Variants in ANAPC7 observed in about 807,000 individuals in gnomAD.
The protein encoded by ANAPC7 is anaphase-promoting complex subunit 7.
ANAPC7 carries 25 observed loss-of-function variants against 63.3 expected under a neutral mutation model. The observed-to-expected ratio is 0.39, with a 90% confidence interval of 0.29 to 0.55. The LOEUF is 0.55. Ranked by LOEUF, ANAPC7 falls within the 20% of genes least tolerant of loss-of-function variation. The pLI is 0.57. For synonymous variants in ANAPC7, 241 were observed against 251.7 expected, an observed-to-expected ratio of 0.96 and a Z score of 0.40; for missense variants, 516 against 691.7, an observed-to-expected ratio of 0.75 and a Z score of 2.85.
chr12:110,398,748 A>G (rs2062178834), intron 1 of ANAPC7, among the ~76,000 whole-genome samples: 1 of 152,086 alleles, frequency 6.6e-6, no homozygotes, highest in Non-Finnish European at 1.5e-5. Flanking sequence ...ACCTAAGTTC[A>G]GGACCTGACC....
At chr12:110,383,118 C>T (rs867609763) in intron 6 of ANAPC7, 158 bp from the exon 7 acceptor site, 1 of 588,124 alleles carries the variant, frequency 1.7e-6, no homozygotes, top group South Asian at 2.4e-5. Flanking sequence ...ACTACTATTT[C>T]CAGTTTCCTA....
At chr12:110,392,932 A>G (rs915059033) in intron 3 of ANAPC7, among the ~76,000 whole-genome samples, 1 of 152,136 alleles carries the variant, frequency 6.6e-6, no homozygotes, top group Non-Finnish European at 1.5e-5. Context: ...AGTAGCTGAG[A>G]TTACAGGCAT....
chr12:110,387,297 G>GAGAGAGAC (rs1882616118), intron 5 of ANAPC7: 2 of 120,906 alleles, frequency 1.7e-5, no homozygotes. Context: ...CAGAGAGAGA[G>GAGAGAGAC]AGAGAGAGAG....
Position 110,373,827 on chromosome 12 carries a change from C to G in ANAPC7, c.*317G>C, listed in dbSNP as rs1881017015. The G allele has an allele frequency of 4.0e-6, 1 of 250,338 alleles. No homozygotes were observed. The highest frequency in any genetic ancestry group is 1.4e-4 in the South Asian group (1 of 7,376). 15.5% of individuals were successfully genotyped at this position (250,338 alleles called of 1,614,324 possible). A position where few individuals can be genotyped will look rare whatever the true frequency, so the allele number is the denominator to read the frequency against. ...CCATGTCACAGAACACTGTCTATTC[C>G]TTGAGCTTTTGGATTTAGAAATTAG... On this transcript the variant is annotated 3_prime_UTR_variant, in exon 11 of 11. Coordinates refer to ENST00000455511, the MANE Select transcript of ANAPC7 (RefSeq NM_016238.3).
chr12:110,378,145 A>C (rs28397252), intron 8 of ANAPC7: 21,522 of 155,908 alleles, frequency 0.14, 2,193 homozygotes, highest in African/African-American at 0.29. Context: ...CCCAGGCTGG[A>C]GCGCAATGGC....
At chr12:110,380,886 C>T (rs1159153650) in intron 8 of ANAPC7, among the ~76,000 whole-genome samples, 1 of 150,684 alleles carries the variant, frequency 6.6e-6, no homozygotes, top group Non-Finnish European at 1.5e-5. Flanking sequence ...TGCAGTGAGC[C>T]GAGATCATGC....
rs1430853495 is a variant in ANAPC7 at position 110,396,160 on chromosome 12, C to G, written c.288+106G>C. On this transcript the variant is annotated intron_variant, in intron 2 of 10. Transcript: ENST00000455511. ...CCTCCACCCACCTCCTGCTGTGCAG[C>G]CTGGTTCCTAACAGACCAGGCACTG... The G allele has an allele frequency of 4.0e-6, 4 of 993,326 alleles. No individual in the cohort carries two copies. In the Middle Eastern group the frequency reaches 9.5e-4, roughly 237 times the overall value. 61.5% of individuals were successfully genotyped at this position (993,326 alleles called of 1,614,324 possible).
chr12:110,387,981 T>C, intron 4 of ANAPC7, 89 bp from the exon 5 acceptor site: 1 of 1,428,932 alleles, frequency 7.0e-7, no homozygotes, highest in Non-Finnish European at 9.5e-7. Flanking sequence ...TTCCCTTGGC[T>C]AAAAGGCAAC....
Position 110,395,729 on chromosome 12 carries a change from G to A in ANAPC7, c.289-509C>T, listed in dbSNP as rs138788614. ...AATTTTTTGTATTTTTAGTAGAGAC[G>A]GCGTTTCACCGTGTTAGCCAGGATG... On this transcript the variant is annotated intron_variant, in intron 2 of 10. Coordinates refer to ENST00000455511, the MANE Select transcript of ANAPC7 (RefSeq NM_016238.3). Among the ~76,000 whole-genome samples the A allele has an allele frequency of 7.3e-3, 1,112 of 151,878 alleles. 15 individuals carry two copies. The highest frequency in any genetic ancestry group is 9.5e-3 in the Non-Finnish European group (647 of 67,968).
chr12:110,396,863 TAAGATG>T (rs1252025213), intron 1 of ANAPC7, among the ~76,000 whole-genome samples: 3 of 152,034 alleles, frequency 2.0e-5, no homozygotes, highest in African/African-American at 7.2e-5. Context: ...ATTCTCATAT[TAAGATG>T]AAGTACAGAG....
chr12:110,383,875 C>CA (rs1159374781), intron 6 of ANAPC7, among the ~76,000 whole-genome samples: 7,496 of 49,848 alleles, frequency 0.15, 587 homozygotes, highest in Non-Finnish European at 0.17. Flanking sequence ...GACTCCGTCT[C>CA]AAAAAAAAAA....
chr12:110,382,449 A>ATATAT (rs1881951705), intron 7 of ANAPC7, among the ~76,000 whole-genome samples: 1 of 57,270 alleles, frequency 1.7e-5, no homozygotes, highest in African/African-American at 8.6e-5. Context: ...TTTAAAAAAA[A>ATATAT]AAAAAAAAAA....
Position 110,377,512 on chromosome 12 carries a change from A to G in ANAPC7, c.1238T>C (p.Leu413Ser), listed in dbSNP as rs1337246703. The G allele has an allele frequency of 1.2e-6, 2 of 1,614,212 alleles. No individual in the cohort carries two copies. Among genetic ancestry groups the G allele is most frequent in the African/African-American group, 1.3e-5 (1 of 75,058 alleles). ...TGGGTCTTCAAGACAAACGGTGGCT[A>G]AAAGGGTAAGGGTCTGTGCATTTGC... Reference protein sequence around the residue: ...LGANAQTLTLLATVCLEDPVT... With the variant: ...LGANAQTLTLSATVCLEDPVT... Residue 413 changes from leucine (L) to serine (S), a missense_variant, in exon 9 of 11, where the codon TTA (leucine) becomes TCA (serine). Coordinates refer to ENST00000455511, the MANE Select transcript of ANAPC7 (RefSeq NM_016238.3).
chr12:110,375,424 A>G (rs1254941584), intron 10 of ANAPC7: 1 of 985,368 alleles, frequency 1.0e-6, no homozygotes, highest in Non-Finnish European at 1.2e-6. Flanking sequence ...ACAGCCCTTC[A>G]CCATAACCTT....
At chr12:110,386,293 C>T in intron 6 of ANAPC7, 34 bp downstream of exon 6, 2 of 1,612,592 alleles carry the variant, frequency 1.2e-6, no homozygotes, top group Non-Finnish European at 1.7e-6. Context: ...CCCCCAACAA[C>T]AGCCACTGTC....
chr12:110,376,241 C>T, intron 9 of ANAPC7, 25 bp from the exon 10 acceptor site: 1 of 1,611,910 alleles, frequency 6.2e-7, no homozygotes, highest in Non-Finnish European at 8.5e-7. Flanking sequence ...AAGACCCTCA[C>T]TTAAGTCATG....
intron 7 of ANAPC7, 27 bp from the exon 8 acceptor site, chr12:110,381,975 ACAAAAACC>A: frequency 6.9e-7 from 1 of 1,457,612 alleles, no homozygotes; most frequent in Non-Finnish European, 9.1e-7. Context: ...AAAAAAAAAC[ACAAAAACC>A]CCAGAAGTTA....
chr12:110,390,267 T>C (rs1453239046), intron 3 of ANAPC7, among the ~76,000 whole-genome samples: 1 of 152,034 alleles, frequency 6.6e-6, no homozygotes, highest in Non-Finnish European at 1.5e-5. Flanking sequence ...AGAGATGGTG[T>C]TTCACCATGT....
intron 3 of ANAPC7, among the ~76,000 whole-genome samples, chr12:110,394,120 G>A (rs1883348540): frequency 6.6e-6 from 1 of 151,730 alleles, no homozygotes; most frequent in South Asian, 2.1e-4. Flanking sequence ...TGGTTGCAAT[G>A]AGCCGAGATC....
Sources: allele counts gnomAD v4.1 joint callset (sites outside exome capture counted in the v4.1 genomes callset), GRCh38; gene constraint gnomAD v4.1.1; transcripts MANE v1.5; gene names NCBI Gene and HGNC (gene_info 2026-07-23, HGNC 2026-07-21).